Variants in RBM47 observed in about 807,000 individuals in gnomAD.
RBM47 encodes RNA binding motif protein 47.
A neutral mutation model predicts 47.1 loss-of-function variants in RBM47; 21 were observed. That is an observed-to-expected ratio of 0.45 (90% CI 0.32 to 0.64). The LOEUF is 0.64. Among genes scored for constraint, RBM47 ranks in the 30% least tolerant of loss-of-function variants. RBM47 has a pLI of 0.05. For missense variants in RBM47, 708 were observed against 870.9 expected (o/e 0.81, Z 2.35); for synonymous variants, 375 against 361.7 (o/e 1.04, Z -0.42).
At chr4:40,453,834 G>A (rs1408125218) in intron 3 of RBM47, among the ~76,000 whole-genome samples, 2 of 150,304 alleles carry the variant, frequency 1.3e-5, no homozygotes, top group Non-Finnish European at 3.0e-5. Flanking sequence ...GCTCTCAGAG[G>A]TCAAATTTTT....
intron 2 of RBM47, among the ~76,000 whole-genome samples, chr4:40,481,331 G>A (rs1453906133): frequency 6.1e-5 from 9 of 147,992 alleles, no homozygotes; most frequent in South Asian, 2.2e-4. Context: ...GGAGTGCAGC[G>A]GCGTGACCTT....
chr4:40,432,243 C>T (rs866718069), intron 6 of RBM47, among the ~76,000 whole-genome samples: 75 of 137,152 alleles, frequency 5.5e-4, no homozygotes, highest in Middle Eastern at 3.8e-3. Flanking sequence ...CACACACACA[C>T]GGGGGTTAAC....
At chr4:40,495,045 G>A (rs1175619744) in intron 2 of RBM47, among the ~76,000 whole-genome samples, 3 of 152,176 alleles carry the variant, frequency 2.0e-5, no homozygotes, top group Non-Finnish European at 2.9e-5. Context: ...CAGCTCAAGC[G>A]ATCCTCCTGC....
At chr4:40,473,596 A>AG (rs1719219423) in intron 2 of RBM47, among the ~76,000 whole-genome samples, 1 of 152,222 alleles carries the variant, frequency 6.6e-6, no homozygotes, top group African/African-American at 2.4e-5. Flanking sequence ...AAATATAGAT[A>AG]GGAGTTCAAC....
At chr4:40,517,716 A>T (rs407723) in intron 2 of RBM47, among the ~76,000 whole-genome samples, 5,688 of 152,276 alleles carry the variant, frequency 0.037, 369 homozygotes, top group African/African-American at 0.13. Flanking sequence ...CCCACAAAAA[A>T]TTAAAAATGT....
intron 1 of RBM47, among the ~76,000 whole-genome samples, chr4:40,599,228 A>G (rs1003195002): frequency 1.0e-4 from 15 of 148,252 alleles, no homozygotes; most frequent in African/African-American, 3.0e-4. Context: ...ACTGGACTCC[A>G]GCCTGGGCGA....
chr4:40,549,719 C>T (rs531410086), intron 1 of RBM47, among the ~76,000 whole-genome samples: 3 of 149,782 alleles, frequency 2.0e-5, no homozygotes, highest in Non-Finnish European at 4.5e-5. Context: ...CTCACTCTGT[C>T]GCCCAGGCTA....
chr4:40,586,403 G>A (rs1733588189), intron 1 of RBM47, among the ~76,000 whole-genome samples: 2 of 151,860 alleles, frequency 1.3e-5, no homozygotes, highest in South Asian at 4.2e-4. Flanking sequence ...CAGAGTTAGG[G>A]GCTTTTCTCC....
chr4:40,600,996 A>AAAAAAAAAAAAAAAAAG (rs1735227072), intron 1 of RBM47, among the ~76,000 whole-genome samples: 1 of 149,996 alleles, frequency 6.7e-6, no homozygotes, highest in African/African-American at 2.5e-5. Context: ...AAAAAAAAAA[A>AAAAAAAAAAAAAAAAAG]AAAAAAGAAA....
chr4:40,537,277 A>AT (rs35048399), intron 2 of RBM47, among the ~76,000 whole-genome samples: 62,903 of 148,962 alleles, frequency 0.42, 15,431 homozygotes, highest in African/African-American at 0.69. Context: ...ATGCCCAGCT[A>AT]TTTTTTTTTT....
At chr4:40,504,290 CTTT>C (rs35482960) in intron 2 of RBM47, among the ~76,000 whole-genome samples, 4 of 128,236 alleles carry the variant, frequency 3.1e-5, no homozygotes, top group African/African-American at 8.7e-5. Context: ...TTGTTTCCTT[CTTT>C]TTTTTTTTTT....
intron 2 of RBM47, among the ~76,000 whole-genome samples, chr4:40,532,114 G>A (rs931967264): frequency 6.6e-6 from 1 of 150,676 alleles, no homozygotes; most frequent in Non-Finnish European, 1.5e-5. Context: ...GGGTTCAAGA[G>A]ATTCTCCTGC....
Position 40,628,797 on chromosome 4 carries a change from C to A in RBM47, c.-240+599G>T, listed in dbSNP as rs1737972743. Among the ~76,000 whole-genome samples, 2 of 152,074 alleles carry A rather than the reference C, an allele frequency of 1.3e-5. No homozygotes were observed. The highest frequency in any genetic ancestry group is 4.8e-5 in the African/African-American group (2 of 41,396). The stretch of plus-strand genomic sequence containing the variant: ...ACTTTTACCTAATTAAAAAATGAGT[C>A]ATTTATTTGAAAAATTCCACTTCCA... On this transcript the variant is annotated intron_variant, in intron 1 of 6. Transcript: ENST00000295971. The surrounding 1 kb of genome is among the most constrained non-coding windows in gnomAD (Gnocchi z 4.0).
At chr4:40,465,766 A>C (rs1012330315) in intron 3 of RBM47, among the ~76,000 whole-genome samples, 4 of 152,086 alleles carry the variant, frequency 2.6e-5, no homozygotes, top group African/African-American at 9.7e-5. Context: ...TGGTTGTCAA[A>C]GTGCTTTTAC....
intron 1 of RBM47, among the ~76,000 whole-genome samples, chr4:40,575,195 C>T (rs182320408): frequency 5.9e-5 from 9 of 152,256 alleles, no homozygotes; most frequent in Non-Finnish European, 1.2e-4. Context: ...AATACTGGCC[C>T]TACAGAAACA....
Position 40,430,181 on chromosome 4 carries a change from C to T in RBM47, c.1542+2470G>A, listed in dbSNP as rs1715732610. ...CTACACTCCAGCCTGGGCGACAGAG[C>T]GAGACACCGTCGCAAAAAACAAACA... On this transcript the variant is annotated intron_variant, in intron 6 of 6. Transcript: ENST00000295971. Among the ~76,000 whole-genome samples the T allele has an allele frequency of 2.6e-5, 4 of 151,460 alleles. No individual in the cohort carries two copies. In the South Asian group the frequency reaches 6.2e-4, roughly 24 times the overall value.
At chr4:40,567,666 T>C (rs945243661) in intron 1 of RBM47, among the ~76,000 whole-genome samples, 5 of 152,004 alleles carry the variant, frequency 3.3e-5, no homozygotes, top group Non-Finnish European at 7.4e-5. Flanking sequence ...AAGAAAGATT[T>C]ATAATCCAGT....
intron 2 of RBM47, among the ~76,000 whole-genome samples, chr4:40,496,218 G>A (rs1042404658): frequency 2.0e-5 from 3 of 152,208 alleles, no homozygotes; most frequent in Non-Finnish European, 4.4e-5. Flanking sequence ...CCTGTGTTGT[G>A]TGGGTTATGC....
At chr4:40,501,681 G>A (rs570519276) in intron 2 of RBM47, among the ~76,000 whole-genome samples, 1 of 152,350 alleles carries the variant, frequency 6.6e-6, no homozygotes, top group South Asian at 2.1e-4. Context: ...CTGGACAGAA[G>A]AATGAGAGAT....
Sources: allele counts gnomAD v4.1 joint callset (sites outside exome capture counted in the v4.1 genomes callset), GRCh38; gene constraint gnomAD v4.1.1; non-coding constraint Gnocchi (gnomAD v3.1); transcripts MANE v1.5; gene names NCBI Gene and HGNC (gene_info 2026-07-23, HGNC 2026-07-21).